The following KCNIP4 variants were observed in gnomAD, a reference collection of about 807,000 sequenced individuals.
The protein encoded by KCNIP4 is Kv channel-interacting protein 4.
A neutral mutation model predicts 34.0 loss-of-function variants in KCNIP4; 12 were observed. That is an observed-to-expected ratio of 0.35 (90% CI 0.23 to 0.57). The LOEUF (loss-of-function observed/expected upper bound fraction) is 0.57. Among genes scored for constraint, KCNIP4 ranks in the 20% least tolerant of loss-of-function variants. The pLI, the probability that KCNIP4 is intolerant of heterozygous loss-of-function variation, is 0.83. For synonymous variants in KCNIP4, 124 were observed against 102.2 expected (o/e 1.21, Z -1.29); for missense variants, 238 against 311.7 (o/e 0.76, Z 1.78).
At chr4:21,187,500 C>A (rs1755319997) in intron 1 of KCNIP4, among the ~76,000 whole-genome samples, 1 of 152,130 alleles carries the variant, frequency 6.6e-6, no homozygotes, top group African/African-American at 2.4e-5. Flanking sequence ...CGTTAAAATT[C>A]ATTTTTGTTT....
At chr4:21,092,943 T>TA (rs759579847) in intron 1 of KCNIP4, among the ~76,000 whole-genome samples, 58 of 152,286 alleles carry the variant, frequency 3.8e-4, no homozygotes, top group Non-Finnish European at 7.2e-4. Context: ...TGATACAAGG[T>TA]AAAATCTATC....
At chr4:20,948,658 T>C (rs1343232963) in intron 1 of KCNIP4, among the ~76,000 whole-genome samples, 1 of 152,206 alleles carries the variant, frequency 6.6e-6, no homozygotes, top group Non-Finnish European at 1.5e-5. Flanking sequence ...TGGGCCAGTA[T>C]CATTTGAATG....
intron 1 of KCNIP4, among the ~76,000 whole-genome samples, chr4:21,463,023 T>C (rs867817703): frequency 7.2e-4 from 110 of 152,186 alleles, no homozygotes; most frequent in African/African-American, 2.5e-3. Flanking sequence ...TTCCTTTGGA[T>C]ATATATCCAG....
At chr4:20,739,647 G>C (rs1259837854) in intron 5 of KCNIP4, among the ~76,000 whole-genome samples, 1 of 152,166 alleles carries the variant, frequency 6.6e-6, no homozygotes, top group African/African-American at 2.4e-5. Flanking sequence ...AGAAACCAGA[G>C]CAGAAAAGCT....
At chr4:21,107,428 T>G (rs1748668309) in intron 1 of KCNIP4, among the ~76,000 whole-genome samples, 1 of 150,872 alleles carries the variant, frequency 6.6e-6, no homozygotes, top group Non-Finnish European at 1.5e-5. Flanking sequence ...AACCCCTGCC[T>G]TTTTTTTGTT....
chr4:21,869,227 T>C (rs1442908738), intron 1 of KCNIP4, among the ~76,000 whole-genome samples: 1 of 152,074 alleles, frequency 6.6e-6, no homozygotes, highest in Non-Finnish European at 1.5e-5. Context: ...CCCAGCTAGA[T>C]CCTCATTGCT....
intron 1 of KCNIP4, among the ~76,000 whole-genome samples, chr4:21,882,835 C>G (rs1296146349): frequency 6.6e-6 from 1 of 152,140 alleles, no homozygotes; most frequent in African/African-American, 2.4e-5. Flanking sequence ...GTCTCAAGAA[C>G]TTCTTTTCCA....
At chr4:20,847,092 C>T (rs868077244) in intron 3 of KCNIP4, among the ~76,000 whole-genome samples, 22 of 152,316 alleles carry the variant, frequency 1.4e-4, no homozygotes, top group Middle Eastern at 3.4e-3. Flanking sequence ...CCACGACTGT[C>T]CCACTTTGAT....
intron 1 of KCNIP4, among the ~76,000 whole-genome samples, chr4:21,402,668 C>A (rs1021439789): frequency 6.6e-6 from 1 of 152,118 alleles, no homozygotes; most frequent in African/African-American, 2.4e-5. Flanking sequence ...ATCCCACCAC[C>A]AAATGTCTCA....
At chr4:21,519,478 G>GCA (rs1553896619) in intron 1 of KCNIP4, among the ~76,000 whole-genome samples, 1 of 72,310 alleles carries the variant, frequency 1.4e-5, no homozygotes, top group Non-Finnish European at 2.8e-5. Context: ...ATGTGTATGT[G>GCA]TATATACACA....
At chr4:21,775,937 G>C (rs113605676) in intron 1 of KCNIP4, among the ~76,000 whole-genome samples, 8,633 of 152,248 alleles carry the variant, frequency 0.057, 822 homozygotes, top group African/African-American at 0.19. Context: ...GCTCAAATGG[G>C]TTAGACAGCA....
intron 1 of KCNIP4, among the ~76,000 whole-genome samples, chr4:21,903,256 G>C (rs1481176175): frequency 6.6e-6 from 1 of 151,920 alleles, no homozygotes; most frequent in South Asian, 2.1e-4. Context: ...ATATTTTTTT[G>C]ACATGGATAA....
At chr4:21,595,906 G>A (rs1479919682) in intron 1 of KCNIP4, among the ~76,000 whole-genome samples, 1 of 152,092 alleles carries the variant, frequency 6.6e-6, no homozygotes, top group Non-Finnish European at 1.5e-5. Context: ...ATCCCCAGGA[G>A]CATGTGAGAA....
At chr4:21,675,720 C>T (rs892579567) in intron 1 of KCNIP4, among the ~76,000 whole-genome samples, 1 of 152,136 alleles carries the variant, frequency 6.6e-6, no homozygotes, top group Non-Finnish European at 1.5e-5. Flanking sequence ...TAGAGAGTCA[C>T]ATGTTTTAGG....
intron 1 of KCNIP4, among the ~76,000 whole-genome samples, chr4:21,642,121 A>G (rs1746658953): frequency 6.6e-6 from 1 of 152,210 alleles, no homozygotes; most frequent in African/African-American, 2.4e-5. Context: ...AGCATTCCAC[A>G]CAGCACTCCT....
At chr4:21,220,447 A>C (rs779852551) in intron 1 of KCNIP4, among the ~76,000 whole-genome samples, 1 of 152,168 alleles carries the variant, frequency 6.6e-6, no homozygotes. Context: ...GTTAGGAGAT[A>C]TACCTAATGT....
intron 2 of KCNIP4, among the ~76,000 whole-genome samples, chr4:20,869,292 T>C (rs545498693): frequency 6.6e-6 from 1 of 152,254 alleles, no homozygotes; most frequent in South Asian, 2.1e-4. Context: ...ATGTTCCTTC[T>C]ACTTTTAACC....
At chr4:21,676,994 A>G (rs1749964797) in intron 1 of KCNIP4, among the ~76,000 whole-genome samples, 1 of 152,106 alleles carries the variant, frequency 6.6e-6, no homozygotes, top group South Asian at 2.1e-4. Context: ...AGAAAAAAAA[A>G]AAAAACATGG....
intron 5 of KCNIP4, among the ~76,000 whole-genome samples, chr4:20,745,358 C>T (rs573253616): frequency 6.6e-6 from 1 of 152,272 alleles, no homozygotes; most frequent in East Asian, 1.9e-4. Flanking sequence ...GGTCTTAGAG[C>T]ACCTCTCTCT....
Sources: allele counts gnomAD v4.1 joint callset (sites outside exome capture counted in the v4.1 genomes callset), GRCh38; gene constraint gnomAD v4.1.1; transcripts MANE v1.5; gene names NCBI Gene and HGNC (gene_info 2026-07-23, HGNC 2026-07-21).